MACROD2: variants seen among roughly 807,000 people sequenced by gnomAD.
The protein encoded by MACROD2 is mono-ADP ribosylhydrolase 2.
In MACROD2, 36 loss-of-function variants were observed where a neutral mutation model predicts 70.4. That is an observed-to-expected ratio of 0.51 (90% CI 0.39 to 0.68). The LOEUF (loss-of-function observed/expected upper bound fraction) is 0.68. Ranked by LOEUF, MACROD2 falls within the 30% of genes least tolerant of loss-of-function variation. The pLI, the probability that MACROD2 is intolerant of heterozygous loss-of-function variation, is 0.00. For synonymous variants in MACROD2, 172 were observed against 178.8 expected (o/e 0.96, Z 0.30); for missense variants, 496 against 538.4 (o/e 0.92, Z 0.78).
chr20:15,235,290 G>A (rs1251884520), intron 6 of MACROD2, among the ~76,000 whole-genome samples: 1 of 152,144 alleles, frequency 6.6e-6, no homozygotes, highest in Non-Finnish European at 1.5e-5. Flanking sequence ...GTGATTATGG[G>A]CAGACTAAAA....
At chr20:14,925,900 A>G (rs1249408599) in intron 5 of MACROD2, among the ~76,000 whole-genome samples, 1 of 152,200 alleles carries the variant, frequency 6.6e-6, no homozygotes, top group Non-Finnish European at 1.5e-5. Flanking sequence ...GCAGGGACTT[A>G]TATAGTATGT....
chr20:14,392,628 A>AT (rs1343946430), intron 3 of MACROD2, among the ~76,000 whole-genome samples: 1 of 152,186 alleles, frequency 6.6e-6, no homozygotes, highest in East Asian at 1.9e-4. Flanking sequence ...CATCAGAAAT[A>AT]TTTTATGGTT....
At chr20:14,836,617 A>C (rs916965230) in intron 5 of MACROD2, among the ~76,000 whole-genome samples, 2 of 152,106 alleles carry the variant, frequency 1.3e-5, no homozygotes, top group African/African-American at 4.8e-5. Flanking sequence ...TGTTATCCAT[A>C]GGTTGCCTAT....
rs557175174 is a variant in MACROD2, at chr20:14,984,267, GT to G, written c.419-245668del. Reference sequence around the variant, plus strand: ...TTTGTAGGTAGGAGAGTACAATGAGGTTTTTAAGATGGCCCCTGGGATGTTC... The same window carrying G: ...TTTGTAGGTAGGAGAGTACAATGAGGTTTTAAGATGGCCCCTGGGATGTTC... On this transcript the variant is annotated intron_variant, in intron 5 of 17. Coordinates refer to ENST00000684519, the MANE Select transcript of MACROD2 (RefSeq NM_001351661.2). 4.8e-3 allele frequency among the ~76,000 whole-genome samples: 728 copies of G among 152,302 alleles called. 12 individuals are homozygous for G. The highest frequency in any genetic ancestry group is 7.7e-3 in the Non-Finnish European group (524 of 68,026).
chr20:14,062,277 C>T (rs1463848392), intron 2 of MACROD2, among the ~76,000 whole-genome samples: 1 of 152,070 alleles, frequency 6.6e-6, no homozygotes, highest in African/African-American at 2.4e-5. Flanking sequence ...TGAGTGTTTA[C>T]CATGTGTCAG....
chr20:14,230,654 T>TATATATATA, intron 3 of MACROD2, among the ~76,000 whole-genome samples: 1 of 74,244 alleles, frequency 1.3e-5, no homozygotes, highest in East Asian at 5.8e-4. Flanking sequence ...TATATATATA[T>TATATATATA]AACACAGGCT....
At chr20:14,338,227 A>G (rs867174815) in intron 3 of MACROD2, among the ~76,000 whole-genome samples, 6 of 152,122 alleles carry the variant, frequency 3.9e-5, no homozygotes, top group African/African-American at 1.4e-4. Context: ...CATGTAGAAA[A>G]AATTAGCTGG....
intron 5 of MACROD2, among the ~76,000 whole-genome samples, chr20:15,082,530 T>G (rs979356310): frequency 7.3e-6 from 1 of 136,570 alleles, no homozygotes; most frequent in Non-Finnish European, 1.6e-5. Flanking sequence ...GAGGTTTTTT[T>G]TTTTTTTTTT....
chr20:15,012,771 C>G (rs1240722375), intron 5 of MACROD2, among the ~76,000 whole-genome samples: 1 of 152,154 alleles, frequency 6.6e-6, no homozygotes, highest in Non-Finnish European at 1.5e-5. Flanking sequence ...CTGCTGACAG[C>G]CAGTCATTGT....
chr20:15,428,948 G>A (rs1338174989), intron 6 of MACROD2, among the ~76,000 whole-genome samples: 1 of 151,800 alleles, frequency 6.6e-6, no homozygotes, highest in Non-Finnish European at 1.5e-5. Context: ...CACATGTTCA[G>A]TTTGCTCCCA....
intron 10 of MACROD2, among the ~76,000 whole-genome samples, chr20:15,917,868 A>G (rs1240197078): frequency 6.6e-6 from 1 of 151,724 alleles, no homozygotes; most frequent in African/African-American, 2.4e-5. Flanking sequence ...AAAAAAAAAA[A>G]GCTGAAGGAA....
At chr20:14,179,334 T>TATTG (rs2081288907) in intron 3 of MACROD2, among the ~76,000 whole-genome samples, 1 of 152,228 alleles carries the variant, frequency 6.6e-6, no homozygotes, top group Non-Finnish European at 1.5e-5. Context: ...AGATAGCTAG[T>TATTG]ATTGCAACTA....
intron 5 of MACROD2, among the ~76,000 whole-genome samples, chr20:14,914,164 C>A (rs1305900300): frequency 6.6e-6 from 1 of 152,152 alleles, no homozygotes; most frequent in Non-Finnish European, 1.5e-5. Flanking sequence ...GGTTCCCTAA[C>A]TCAGAGGAAA....
chr20:14,667,891 C>T (rs2070753598), intron 4 of MACROD2, among the ~76,000 whole-genome samples: 1 of 152,082 alleles, frequency 6.6e-6, no homozygotes, highest in African/African-American at 2.4e-5. Flanking sequence ...GGTGGTGGCT[C>T]ACACCTATGA....
At chr20:14,975,200 G>T (rs936976866) in intron 5 of MACROD2, among the ~76,000 whole-genome samples, 1 of 152,112 alleles carries the variant, frequency 6.6e-6, no homozygotes, top group African/African-American at 2.4e-5. Flanking sequence ...ATCACCCTTA[G>T]TTGAGAACCA....
At chr20:14,177,708 A>T in intron 3 of MACROD2, among the ~76,000 whole-genome samples, 1 of 152,220 alleles carries the variant, frequency 6.6e-6, no homozygotes, top group East Asian at 1.9e-4. Flanking sequence ...AATAAATTCA[A>T]CTACATCTGG....
chr20:14,232,773 T>A (rs1268834264), intron 3 of MACROD2, among the ~76,000 whole-genome samples: 1 of 152,264 alleles, frequency 6.6e-6, no homozygotes, highest in Non-Finnish European at 1.5e-5. Flanking sequence ...TTCACTGAAG[T>A]GGCACTTTCA....
chr20:15,867,366 A>T (rs1164543212), intron 9 of MACROD2, among the ~76,000 whole-genome samples: 2 of 151,992 alleles, frequency 1.3e-5, no homozygotes, highest in African/African-American at 2.4e-5. Context: ...CCAGCATCGA[A>T]TTTTTTTTCA....
intron 5 of MACROD2, among the ~76,000 whole-genome samples, chr20:14,817,196 G>A (rs1242596031): frequency 2.6e-5 from 4 of 152,072 alleles, no homozygotes; most frequent in African/African-American, 9.7e-5. Context: ...TTGTTGCTAA[G>A]CAGATAGAAC....
Sources: gnomAD v4.1 joint callset for allele counts (sites outside exome capture counted in the v4.1 genomes callset) on GRCh38, gnomAD v4.1.1 for gene constraint, MANE v1.5 for transcripts, NCBI Gene and HGNC (gene_info 2026-07-23, HGNC 2026-07-21) for gene names.